MIGA1: variants seen among roughly 807,000 people sequenced by gnomAD.
MIGA1 encodes the protein family with sequence similarity 73, member A.
In MIGA1, 58 loss-of-function variants were observed where a neutral mutation model predicts 82.0. That is an observed-to-expected ratio of 0.71 (90% CI 0.57 to 0.88). The LOEUF (loss-of-function observed/expected upper bound fraction) is 0.88, where lower values mean the gene tolerates loss of function less well. Among genes scored for constraint, MIGA1 ranks in the 40% least tolerant of loss-of-function variants. The probability of loss-of-function intolerance (pLI) is 0.00; values close to 1 mark genes in which losing one functional copy is unlikely to be tolerated. For synonymous variants in MIGA1, 249 were observed against 253.6 expected, an observed-to-expected ratio of 0.98 and a Z score of 0.17; for missense variants, 751 against 749.1, an observed-to-expected ratio of 1.00 and a Z score of -0.03.
chr1:77,797,979 A>T (rs944580948), intron 2 of MIGA1, among the ~76,000 whole-genome samples: 6 of 152,104 alleles, frequency 3.9e-5, no homozygotes, highest in African/African-American at 1.4e-4. Context: ...CTAATACGAC[A>T]TTGGTGAAAT....
At chr1:77,804,872 C>T (rs1683028695) in intron 4 of MIGA1, among the ~76,000 whole-genome samples, 1 of 152,114 alleles carries the variant, frequency 6.6e-6, no homozygotes, top group Non-Finnish European at 1.5e-5. Context: ...GGTGATCTGC[C>T]TACCTCAGCC....
At chr1:77,799,624 A>G (rs1219353109) in intron 2 of MIGA1, among the ~76,000 whole-genome samples, 3 of 151,812 alleles carry the variant, frequency 2.0e-5, no homozygotes, top group Non-Finnish European at 2.9e-5. Flanking sequence ...TTAACTACCT[A>G]TTCAATTTCT....
chr1:77,878,747 T>C lies in MIGA1; in HGVS notation c.*3683T>C, dbSNP rs1557945556. 1 of 383,938 alleles carries C rather than the reference T, an allele frequency of 2.6e-6. No homozygotes were observed. Among genetic ancestry groups the C allele is most frequent in the Non-Finnish European group, 4.6e-6 (1 of 216,104 alleles). The allele number at this position is 383,938 out of a possible 1,614,324, so 23.8% of individuals were successfully genotyped here. ...TTGTTCAACTAAGAGTGCTTATTTC[T>C]TCTTGAAGGTTAACATTATGTTTAT... On this transcript the variant is annotated 3_prime_UTR_variant, in exon 16 of 16. Transcript: ENST00000370791.
chr1:77,831,023 CA>C (rs769557802), intron 7 of MIGA1, among the ~76,000 whole-genome samples: 4 of 152,178 alleles, frequency 2.6e-5, no homozygotes, highest in Non-Finnish European at 4.4e-5. Context: ...CAATTAGACT[CA>C]GAGCCTAACC....
At chr1:77,814,987 A>G (rs1186573468) in intron 6 of MIGA1, 121 bp from the exon 7 acceptor site, 3 of 630,872 alleles carry the variant, frequency 4.8e-6, no homozygotes, top group African/African-American at 1.9e-5. Context: ...TCTTTCCACC[A>G]TCTCTCAGTT....
At chr1:77,793,922 G>T (rs1373453284) in intron 2 of MIGA1, among the ~76,000 whole-genome samples, 1 of 151,300 alleles carries the variant, frequency 6.6e-6, no homozygotes, top group Non-Finnish European at 1.5e-5. Context: ...AAGTGGTTGG[G>T]ATTACAGGTG....
chr1:77,874,969 T>G lies in MIGA1; in HGVS notation c.1804T>G (p.Tyr602Asp). The G allele has an allele frequency of 6.2e-7, 1 of 1,614,082 alleles. No individual in the cohort carries two copies. Among genetic ancestry groups the G allele is most frequent in the East Asian group, 2.2e-5 (1 of 44,874 alleles). Residue 602 changes from tyrosine (Y) to aspartate (D), a missense_variant, in exon 16 of 16, where the codon TAT becomes GAT. This residue lies in a region of MIGA1 where 265 missense variants were observed against 293.6 expected (regional missense o/e 0.90). Transcript: ENST00000370791. ...TCGCCGCACTGAGCTTTTAATGGCC[T>G]ATCTTGAAGCAGATGCCCTGAGGCA...
intron 6 of MIGA1, among the ~76,000 whole-genome samples, chr1:77,814,177 A>G (rs541530172): frequency 2.6e-5 from 4 of 152,278 alleles, no homozygotes; most frequent in African/African-American, 9.6e-5. Context: ...GGCATGAGCC[A>G]AGGTGCTGAC....
chr1:77,855,604 G>A (rs920523406), intron 8 of MIGA1, among the ~76,000 whole-genome samples: 1 of 151,812 alleles, frequency 6.6e-6, no homozygotes, highest in Non-Finnish European at 1.5e-5. Flanking sequence ...AGAGGTCTTT[G>A]GACTCCTTGG....
rs1366220332 is a variant in MIGA1, at chr1:77,878,564, T to G, written c.*3500T>G. ...GAATTGCCCTTGCCACCATGAGCTCTACCATCCACTTCCATATGTAAATTA... is the reference window on the plus strand; with the variant it reads ...GAATTGCCCTTGCCACCATGAGCTCGACCATCCACTTCCATATGTAAATTA... On this transcript the variant is annotated 3_prime_UTR_variant, in exon 16 of 16. Coordinates refer to ENST00000370791, the MANE Select transcript of MIGA1 (RefSeq NM_198549.4). 1 of 276,520 alleles carries G rather than the reference T, an allele frequency of 3.6e-6. No individual in the cohort carries two copies. Among genetic ancestry groups the G allele is most frequent in the Non-Finnish European group, 6.7e-6 (1 of 149,598 alleles). 17.1% of individuals were successfully genotyped at this position (276,520 alleles called of 1,614,324 possible).
At chr1:77,814,029 A>G (rs1331407597) in intron 6 of MIGA1, among the ~76,000 whole-genome samples, 162 bp downstream of exon 6, 2 of 151,680 alleles carry the variant, frequency 1.3e-5, no homozygotes, top group Admixed American at 1.3e-4. Context: ...AATTAGGACT[A>G]TAGGGATGCA....
At chr1:77,852,882 G>T (rs1455183106) in intron 8 of MIGA1, among the ~76,000 whole-genome samples, 2 of 152,076 alleles carry the variant, frequency 1.3e-5, no homozygotes, top group Non-Finnish European at 2.9e-5. Context: ...GTAGAGGCGG[G>T]GCTTCCCCAT....
rs1684915214 is a variant in MIGA1 at position 77,848,172 on chromosome 1, A to C, written c.996+4765A>C. The C allele has an allele frequency of 3.1e-5, 44 of 1,425,140 alleles. No homozygotes were observed. The South Asian group carries it at 4.4e-4, about 14-fold the overall frequency. The allele number at this position is 1,425,140 out of a possible 1,614,324, so 88.3% of individuals were successfully genotyped here. On this transcript the variant is annotated intron_variant, in intron 8 of 15. Coordinates refer to ENST00000370791, the MANE Select transcript of MIGA1 (RefSeq NM_198549.4). ...GAAAGAAAGGGATTCTCATAGGCAC[A>C]GGAGACCAGTCATAGAGATTCCCAT...
intron 8 of MIGA1, among the ~76,000 whole-genome samples, chr1:77,857,067 G>A (rs768496345): frequency 2.0e-5 from 3 of 151,998 alleles, no homozygotes; most frequent in Non-Finnish European, 4.4e-5. Context: ...GGTTTTGATA[G>A]GTTGTGTCAT....
intron 1 of MIGA1, among the ~76,000 whole-genome samples, chr1:77,781,457 C>T (rs899511058): frequency 6.6e-6 from 1 of 152,030 alleles, no homozygotes; most frequent in Non-Finnish European, 1.5e-5. Flanking sequence ...TGAGCTTCCC[C>T]CCACTTCCTT....
intron 8 of MIGA1, among the ~76,000 whole-genome samples, chr1:77,857,722 T>G (rs761447730): frequency 1.2e-4 from 16 of 138,158 alleles, no homozygotes; most frequent in South Asian, 2.2e-4. Flanking sequence ...TTTTCTGGGT[T>G]GTTGTTTTTT....
intron 8 of MIGA1, chr1:77,848,643 G>A: frequency 6.4e-7 from 1 of 1,566,188 alleles, no homozygotes; most frequent in Non-Finnish European, 8.8e-7. Flanking sequence ...TCACAGAAAG[G>A]CAAGAGAAGG....
At chr1:77,834,501 T>C (rs923286667) in intron 7 of MIGA1, among the ~76,000 whole-genome samples, 8 of 152,172 alleles carry the variant, frequency 5.3e-5, no homozygotes, top group African/African-American at 1.7e-4. Context: ...TTTGTTTCAG[T>C]GGATTTTATT....
intron 7 of MIGA1, among the ~76,000 whole-genome samples, chr1:77,823,837 T>C (rs966201318): frequency 1.3e-5 from 2 of 152,236 alleles, no homozygotes; most frequent in Non-Finnish European, 2.9e-5. Flanking sequence ...CTGGTGGGCC[T>C]GTTGAATTCT....
Sources: allele counts gnomAD v4.1 joint callset (sites outside exome capture counted in the v4.1 genomes callset), GRCh38; gene constraint gnomAD v4.1.1; regional missense constraint gnomAD v4.1.1; transcripts MANE v1.5; gene names NCBI Gene and HGNC (gene_info 2026-07-23, HGNC 2026-07-21).